The following CASK variants were observed in gnomAD, a reference collection of about 807,000 sequenced individuals.
CASK encodes peripheral plasma membrane protein CASK.
CASK carries 4 observed loss-of-function variants against 82.9 expected under a neutral mutation model. The ratio of observed to expected loss-of-function variants is 0.05; its 90% confidence interval spans 0.02 to 0.11. CASK has a LOEUF of 0.11. CASK is among the 10% of genes least tolerant of loss of function. CASK has a pLI of 1.00. For missense variants in CASK, 358 were observed against 720.9 expected, an observed-to-expected ratio of 0.50 and a Z score of 5.76; for synonymous variants, 259 against 253.5, an observed-to-expected ratio of 1.02 and a Z score of -0.20.
chrX:41,642,155 T>C (rs1246007809), intron 8 of CASK, among the ~76,000 whole-genome samples: 1 of 111,385 alleles, frequency 9.0e-6, no homozygotes, highest in Non-Finnish European at 1.9e-5. Flanking sequence ...ATGATGGACA[T>C]TTGGGTTGGT....
chrX:41,777,334 A>G (rs1187202273), intron 3 of CASK, among the ~76,000 whole-genome samples: 1 of 110,196 alleles, frequency 9.1e-6, no homozygotes, highest in African/African-American at 3.3e-5. Flanking sequence ...TCTACTAAAA[A>G]TACAAAAATC....
chrX:41,850,853 T>C (rs1182116008), intron 2 of CASK, among the ~76,000 whole-genome samples: 1 of 111,506 alleles, frequency 9.0e-6, no homozygotes, highest in Non-Finnish European at 1.9e-5. Context: ...TAATTTACTA[T>C]TTATTACATA....
Position 41,554,971 on chromosome X carries a change from T to A in CASK, c.1842+629A>T, listed in dbSNP as rs2065142610. ...CCACTGTGTGATTTTTCTGTTTATT[T>A]TCAGCAATCCAGCCTATAAAATTAC... On this transcript the variant is annotated intron_variant, in intron 20 of 26. Coordinates refer to ENST00000378163, the MANE Select transcript of CASK (RefSeq NM_001367721.1). 2.7e-5 allele frequency among the ~76,000 whole-genome samples: 3 copies of A among 112,356 alleles called. No homozygotes were observed. In the Admixed American group the frequency reaches 2.8e-4, roughly 11 times the overall value.
At position 41,609,987 on chromosome X, in the gene CASK, G is replaced by C; in HGVS notation, c.1072C>G (p.His358Asp). Residue 358 changes from histidine to aspartate, a missense_variant, in exon 12 of 27, where the codon CAT (histidine) becomes GAT (aspartate). By Grantham distance (81) the His-to-Asp change is moderately conservative (BLOSUM62 -1). Around this residue, in one of 5 missense-constraint regions of CASK, gnomAD observed 110 missense variants for 218.8 expected, o/e 0.50. Transcript: ENST00000378163. The part of the protein sequence containing the change: ...SQVLDSLEEI[H>D]ALTDCSEKDL... ...TTTTCACTGCAGTCTGTAAGCGCAT[G>C]AATCTCTTCCAGGCTGTCCAGCACC... 8.3e-7 allele frequency: 1 copy of C among 1,209,714 alleles called. No homozygotes were observed. Among genetic ancestry groups the C allele is most frequent in the Non-Finnish European group, 1.1e-6 (1 of 893,440 alleles).
intron 8 of CASK, among the ~76,000 whole-genome samples, chrX:41,638,545 A>AAAAAAC (rs2147374903): frequency 9.0e-6 from 1 of 111,461 alleles, no homozygotes; most frequent in East Asian, 2.8e-4. Flanking sequence ...CCCCATTTCT[A>AAAAAAC]AAAAACAAAA....
intron 25 of CASK, among the ~76,000 whole-genome samples, chrX:41,526,919 GA>G (rs1163417327): frequency 1.8e-5 from 2 of 111,204 alleles, no homozygotes; most frequent in Admixed American, 1.9e-4. Context: ...GCTTGTTCTT[GA>G]AGGTCTTTGG....
At chrX:41,770,319 T>C (rs1460612400) in intron 3 of CASK, among the ~76,000 whole-genome samples, 30 of 100,442 alleles carry the variant, frequency 3.0e-4, no homozygotes, top group African/African-American at 7.7e-4. Context: ...TACCTATCCA[T>C]CCATCCATCC....
chrX:41,867,322 G>A (rs2071609512), intron 1 of CASK, among the ~76,000 whole-genome samples: 1 of 112,069 alleles, frequency 8.9e-6, no homozygotes, highest in Non-Finnish European at 1.9e-5. Flanking sequence ...TGGACAAATA[G>A]ATAAATCCAT....
chrX:41,746,698 C>T (rs2068693260), intron 3 of CASK, among the ~76,000 whole-genome samples: 1 of 111,783 alleles, frequency 8.9e-6, no homozygotes, highest in Non-Finnish European at 1.9e-5. Context: ...ATACCTGCTG[C>T]AGATATTATA....
At position 41,843,006 on chromosome X, in the gene CASK, TA is replaced by T. The variant is rs775254576; in HGVS notation, c.172+10108del. Among the ~76,000 whole-genome samples the T allele has an allele frequency of 4.5e-5, 5 of 112,173 alleles. No homozygotes were observed. The East Asian group carries it at 1.1e-3, about 25-fold the overall frequency. On this transcript the variant is annotated intron_variant, in intron 2 of 26. Transcript: ENST00000378163. The stretch of plus-strand genomic sequence containing the variant: ...TATACAAATACAATTGGTTTTTGTA[TA>T]TTTATCTTGTATCCTGCAACCTTGC...
At chrX:41,807,895 AC>A (rs2070161114) in intron 2 of CASK, among the ~76,000 whole-genome samples, 1 of 111,497 alleles carries the variant, frequency 9.0e-6, no homozygotes, top group Non-Finnish European at 1.9e-5. Flanking sequence ...CACTCTTATC[AC>A]CCAGGCTGGA....
chrX:41,919,089 C>G (rs1244598364), intron 1 of CASK, among the ~76,000 whole-genome samples: 1 of 112,281 alleles, frequency 8.9e-6, no homozygotes, highest in African/African-American at 3.2e-5. Flanking sequence ...TAAAACTACT[C>G]AATTCATTCC....
At chrX:41,640,277 C>T (rs780192169) in intron 8 of CASK, among the ~76,000 whole-genome samples, 20 of 110,059 alleles carry the variant, frequency 1.8e-4, no homozygotes, top group Non-Finnish European at 3.6e-4. Context: ...GATCTCGGCT[C>T]ACTGCAACTT....
chrX:41,849,337 T>A (rs181630233), intron 2 of CASK, among the ~76,000 whole-genome samples: 8 of 111,547 alleles, frequency 7.2e-5, no homozygotes, highest in Non-Finnish European at 9.4e-5. Context: ...AACTCTAAAT[T>A]AGTGGCTCAG....
intron 5 of CASK, chrX:41,695,872 T>C: frequency 2.5e-6 from 3 of 1,208,145 alleles, no homozygotes; most frequent in Non-Finnish European, 3.4e-6. Context: ...TATGTATTTC[T>C]GGGTATTCAC....
chrX:41,727,837 A>AT, intron 5 of CASK: 3 of 1,188,899 alleles, frequency 2.5e-6, no homozygotes, highest in Non-Finnish European at 3.4e-6. Context: ...TTTTAAACCC[A>AT]TTTTTTATGT....
At chrX:41,874,697 C>T (rs2071778586) in intron 1 of CASK, among the ~76,000 whole-genome samples, 1 of 112,341 alleles carries the variant, frequency 8.9e-6, no homozygotes, top group African/African-American at 3.2e-5. Flanking sequence ...GATCTCAACA[C>T]CAGCTAAGGA....
chrX:41,660,587 A>G, intron 7 of CASK, 26 bp from the exon 8 acceptor site: 1 of 1,184,691 alleles, frequency 8.4e-7, no homozygotes, highest in African/African-American at 1.7e-5. Flanking sequence ...GGAAAACTAC[A>G]TAGTTACCTT....
intron 11 of CASK, among the ~76,000 whole-genome samples, chrX:41,614,456 C>T (rs7886756): frequency 0.019 from 2,139 of 111,922 alleles, 46 homozygotes; most frequent in African/African-American, 0.066. Flanking sequence ...TCTGGGGCTT[C>T]ATCCAGGTTG....
Sources: gnomAD v4.1 joint callset for allele counts (sites outside exome capture counted in the v4.1 genomes callset) on GRCh38, gnomAD v4.1.1 for gene constraint, gnomAD v4.1.1 regional missense constraint, MANE v1.5 for transcripts, NCBI Gene and HGNC (gene_info 2026-07-23, HGNC 2026-07-21) for gene names.